Variants in GBF1 observed in about 807,000 individuals in gnomAD.
The protein encoded by GBF1 is Golgi-specific brefeldin A-resistance guanine nucleotide exchange factor 1.
In GBF1, 114 loss-of-function variants were observed where a neutral mutation model predicts 210.5. That is an observed-to-expected ratio of 0.54 (90% CI 0.47 to 0.63). GBF1 has a LOEUF of 0.63. GBF1 is among the 30% of genes least tolerant of loss of function. GBF1 has a pLI of 0.00. For missense variants in GBF1, 1,851 were observed against 2,357.7 expected, an observed-to-expected ratio of 0.79 and a Z score of 4.45; for synonymous variants, 850 against 889.2, an observed-to-expected ratio of 0.96 and a Z score of 0.78.
At chr10:102,324,550 T>C (rs1456807850) in intron 3 of GBF1, among the ~76,000 whole-genome samples, 1 of 152,130 alleles carries the variant, frequency 6.6e-6, no homozygotes, top group Non-Finnish European at 1.5e-5. Flanking sequence ...ATCTCTACCA[T>C]TGGGTGGTCT....
chr10:102,263,855 A>G (rs1004363846), intron 3 of GBF1, among the ~76,000 whole-genome samples: 3 of 152,356 alleles, frequency 2.0e-5, no homozygotes, highest in East Asian at 1.9e-4. Flanking sequence ...CAAAGTTTGC[A>G]TACTGTTACT....
intron 3 of GBF1, among the ~76,000 whole-genome samples, chr10:102,331,962 C>T (rs188562567): frequency 4.1e-5 from 6 of 147,134 alleles, no homozygotes; most frequent in African/African-American, 1.0e-4. Flanking sequence ...TGGGTTCAAG[C>T]GATTCTTCTG....
At chr10:102,263,778 T>C (rs2073520269) in intron 3 of GBF1, among the ~76,000 whole-genome samples, 1 of 152,178 alleles carries the variant, frequency 6.6e-6, no homozygotes, top group Admixed American at 6.5e-5. Flanking sequence ...TTTAGAGTAA[T>C]AAGATATTCT....
chr10:102,271,529 T>C (rs1021333611), intron 3 of GBF1, among the ~76,000 whole-genome samples: 6 of 150,000 alleles, frequency 4.0e-5, no homozygotes, highest in African/African-American at 1.2e-4. Flanking sequence ...TTTTTTTTTT[T>C]CTTTTGCATT....
At chr10:102,263,808 A>G (rs894732489) in intron 3 of GBF1, among the ~76,000 whole-genome samples, 1 of 152,204 alleles carries the variant, frequency 6.6e-6, no homozygotes, top group African/African-American at 2.4e-5. Flanking sequence ...AAATTTGAAA[A>G]GAGGGTTGCT....
the GBF1 span, among the ~76,000 whole-genome samples, chr10:102,236,556 G>A: frequency 6.6e-6 from 1 of 152,182 alleles, no homozygotes; most frequent in African/African-American, 2.4e-5. Flanking sequence ...CAGGAAGCCT[G>A]GTCATGGACT....
intron 3 of GBF1, among the ~76,000 whole-genome samples, chr10:102,303,258 G>A (rs2077551256): frequency 6.6e-6 from 1 of 152,154 alleles, no homozygotes; most frequent in African/African-American, 2.4e-5. Flanking sequence ...AAAGTGCTGG[G>A]ATTACAGGCG....
intron 3 of GBF1, among the ~76,000 whole-genome samples, chr10:102,318,543 T>C (rs182649616): frequency 1.4e-3 from 208 of 152,282 alleles, no homozygotes; most frequent in African/African-American, 4.9e-3. Context: ...GGTATAAATA[T>C]CTTGGTACAC....
Position 102,380,569 on chromosome 10 carries a change from C to T in GBF1, c.5056C>T (p.His1686Tyr), listed in dbSNP as rs2060782347. The change falls in exon 38 of 40, where the codon CAC becomes TAC. Residue 1686 changes from histidine to tyrosine, a missense_variant. Physicochemically the swap from His to Tyr is moderately conservative, Grantham distance 83. Coordinates refer to ENST00000369983, the MANE Select transcript of GBF1 (RefSeq NM_001377137.1). ...LLVMDTAEIF[H>Y]SADARGGGPS... Reference sequence around the variant, plus strand: ...GGTGATGGACACAGCGGAGATTTTCCACAGTGCAGATGCACGGGGAGGCGG... The same window carrying T: ...GGTGATGGACACAGCGGAGATTTTCTACAGTGCAGATGCACGGGGAGGCGG... 1.9e-6 allele frequency: 3 copies of T among 1,614,128 alleles called. No individual in the cohort carries two copies. The highest frequency in any genetic ancestry group is 1.1e-5 in the South Asian group (1 of 91,084).
Position 102,359,371 on chromosome 10 carries a change from T to C in GBF1, c.1116T>C (p.Ser372=). ...CTGCCGACCACTCTGACTCTGCCTC[T>C]GTCCATGACATGGATTACGTCAATC... ...TSPADHSDSA[S]VHDMDYVNPR... is the part of the protein sequence containing the mutation. The change falls in exon 11 of 40, where the codon TCT becomes TCC. Residue 372 remains serine (S), a synonymous_variant. Transcript: ENST00000369983. 1 of 1,613,632 alleles carries C rather than the reference T, an allele frequency of 6.2e-7. No individual in the cohort carries two copies. Among genetic ancestry groups the C allele is most frequent in the East Asian group, 2.2e-5 (1 of 44,882 alleles).
chr10:102,313,211 A>G (rs2078633796), intron 3 of GBF1, among the ~76,000 whole-genome samples: 2 of 152,124 alleles, frequency 1.3e-5, no homozygotes, highest in African/African-American at 2.4e-5. Context: ...AGGCTGGGTT[A>G]TTTTCCCAGC....
chr10:102,277,409 T>TC (rs1215347916), intron 3 of GBF1, among the ~76,000 whole-genome samples: 7 of 147,040 alleles, frequency 4.8e-5, no homozygotes, highest in African/African-American at 7.5e-5. Context: ...TTTTTTTTTT[T>TC]CAGACAGTCT....
the GBF1 span, among the ~76,000 whole-genome samples, chr10:102,235,622 G>GT: frequency 5.9e-5 from 9 of 152,180 alleles, no homozygotes; most frequent in African/African-American, 1.9e-4. Context: ...TACCTGAGTA[G>GT]TTTTTTTTCC....
At position 102,351,357 on chromosome 10, in the gene GBF1, C is replaced by T. The variant is rs1296098200; in HGVS notation, c.397C>T (p.Leu133=). The change falls in exon 5 of 40, where the codon CTG becomes TTG. Residue 133 remains leucine, a synonymous_variant. Transcript: ENST00000369983. ...GTDPASDEVV[L]MKILQVLRTL... is the part of the protein sequence containing the mutation. ...GGATCCTGCCAGTGATGAAGTTGTCCTGATGAAAATCCTTCAGGTAAGCGA... is the reference window on the plus strand; with the variant it reads ...GGATCCTGCCAGTGATGAAGTTGTCTTGATGAAAATCCTTCAGGTAAGCGA... 6.3e-7 allele frequency: 1 copy of T among 1,588,078 alleles called. No homozygotes were observed. The highest frequency in any genetic ancestry group is 8.6e-7 in the Non-Finnish European group (1 of 1,156,434).
chr10:102,230,761 C>T, the GBF1 span: 8 of 1,492,476 alleles, frequency 5.4e-6, no homozygotes, highest in Non-Finnish European at 7.1e-6. Flanking sequence ...CCCGGGGGGG[C>T]CCCCGCCCAG....
chr10:102,233,899 T>C, the GBF1 span, among the ~76,000 whole-genome samples: 2 of 152,128 alleles, frequency 1.3e-5, no homozygotes, highest in South Asian at 4.1e-4. Context: ...CAGGGTCCCC[T>C]TTTCTGCCTG....
At chr10:102,318,475 G>GC (rs74309119) in intron 3 of GBF1, among the ~76,000 whole-genome samples, 52,002 of 151,968 alleles carry the variant, frequency 0.34, 9,276 homozygotes, top group South Asian at 0.48. Flanking sequence ...ACAGGCATGA[G>GC]CACCGTGCCC....
chr10:102,285,918 T>C (rs1432208390), intron 3 of GBF1, among the ~76,000 whole-genome samples: 2 of 152,152 alleles, frequency 1.3e-5, no homozygotes, highest in African/African-American at 4.8e-5. Context: ...TGTATCTCCT[T>C]GAAATATTAT....
upstream of GBF1, among the ~76,000 whole-genome samples, chr10:102,240,984 C>T (rs2070520562): frequency 6.6e-6 from 1 of 152,098 alleles, no homozygotes; most frequent in Admixed American, 6.5e-5. Flanking sequence ...GCCTCTGTAA[C>T]CCCTTTCGCT....
Sources: allele counts gnomAD v4.1 joint callset (sites outside exome capture counted in the v4.1 genomes callset), GRCh38; gene constraint gnomAD v4.1.1; transcripts MANE v1.5; gene names NCBI Gene and HGNC (gene_info 2026-07-23, HGNC 2026-07-21).